RASAL2: variants seen among roughly 807,000 people sequenced by gnomAD.
The protein encoded by RASAL2 is ras GTPase-activating protein nGAP.
RASAL2 carries 58 observed loss-of-function variants against 128.9 expected under a neutral mutation model. The observed-to-expected ratio is 0.45, with a 90% CI of 0.36 to 0.56. The LOEUF (loss-of-function observed/expected upper bound fraction) is 0.56. Among genes scored for constraint, RASAL2 ranks in the 20% least tolerant of loss-of-function variants. The probability of loss-of-function intolerance (pLI) is 0.00; values close to 1 mark genes in which losing one functional copy is unlikely to be tolerated. For missense variants in RASAL2, 1,360 were observed against 1,601.6 expected (o/e 0.85, Z 2.57); for synonymous variants, 561 against 580.8 (o/e 0.97, Z 0.49).
chr1:178,117,605 G>A (rs1366919643), intron 1 of RASAL2, among the ~76,000 whole-genome samples: 2 of 152,058 alleles, frequency 1.3e-5, no homozygotes, highest in African/African-American at 4.8e-5. Flanking sequence ...TCACAAGGGT[G>A]ACTTAATCCT....
intron 1 of RASAL2, among the ~76,000 whole-genome samples, chr1:178,096,211 C>T (rs1228823205): frequency 1.3e-5 from 2 of 152,148 alleles, no homozygotes; most frequent in Admixed American, 6.5e-5. Flanking sequence ...AACGTTTTCC[C>T]ATTCTATCAT....
intron 1 of RASAL2, among the ~76,000 whole-genome samples, chr1:178,206,671 C>T (rs116118384): frequency 0.012 from 1,881 of 152,166 alleles, 17 homozygotes; most frequent in Middle Eastern, 0.02. Flanking sequence ...TTTTATGTCC[C>T]TTGAACCAGT....
chr1:178,441,642 A>G lies in RASAL2; in HGVS notation c.922A>G (p.Asn308Asp), dbSNP rs750003851. 1.2e-6 allele frequency: 2 copies of G among 1,608,174 alleles called. No individual in the cohort carries two copies. ...MENLRRTVQP[N>D]KDNCRRAENV... Reference sequence around the variant, plus strand: ...AAACCTTCGCAGGACAGTTCAACCTAATAAGGTAATAGTAGCTTCAAGTAT... The same window carrying G: ...AAACCTTCGCAGGACAGTTCAACCTGATAAGGTAATAGTAGCTTCAAGTAT... Residue 308 changes from asparagine (N) to aspartate (D), a missense_variant, in exon 7 of 18, where the codon AAT (asparagine) becomes GAT (aspartate). By Grantham distance (23) the Asn-to-Asp change is conservative. This residue lies in a region of RASAL2 where 617 missense variants were observed against 714.2 expected (regional missense o/e 0.86). Coordinates refer to ENST00000367649, the MANE Select transcript of RASAL2 (RefSeq NM_170692.4).
At chr1:178,240,745 A>T (rs1238903085) in intron 1 of RASAL2, among the ~76,000 whole-genome samples, 1 of 151,750 alleles carries the variant, frequency 6.6e-6, no homozygotes, top group Non-Finnish European at 1.5e-5. Context: ...TAAGCTAATT[A>T]TTAACAACTT....
rs1000347556 is a variant in RASAL2 at position 178,422,022 on chromosome 1, C to T, written c.674+1402C>T. Among the ~76,000 whole-genome samples, 3 of 151,708 alleles carry T rather than the reference C, an allele frequency of 2.0e-5. No homozygotes were observed. The East Asian group carries it at 5.8e-4, about 29-fold the overall frequency. On this transcript the variant is annotated intron_variant, in intron 5 of 17. Transcript: ENST00000367649. ...GAATAACAATTTTTTTTCAGATTAT[C>T]GATTCTTAAGAACAAAAATGTTGTG...
intron 3 of RASAL2, among the ~76,000 whole-genome samples, chr1:178,324,080 A>C (rs1668916871): frequency 6.6e-6 from 1 of 152,186 alleles, no homozygotes; most frequent in African/African-American, 2.4e-5. Flanking sequence ...TTAACTCTGA[A>C]CCTCAGCTTC....
In RASAL2 at chr1:178,374,753, C is replaced by T. The variant is rs1310417801; in HGVS notation, c.458-15347C>T. Among the ~76,000 whole-genome samples the T allele has an allele frequency of 2.5e-4, 38 of 152,118 alleles. 1 individual carries two copies. Among genetic ancestry groups the T allele is most frequent in the Admixed American group, 2.5e-3 (38 of 15,262 alleles). ...CCTTCCAACCAAATTGATTTACTTC[C>T]TGTCTTGGAACAAATATTGCCCTTT... On this transcript the variant is annotated intron_variant, in intron 3 of 17. Coordinates refer to ENST00000367649, the MANE Select transcript of RASAL2 (RefSeq NM_170692.4).
At chr1:178,236,756 CTTTTT>C (rs549848632) in intron 1 of RASAL2, among the ~76,000 whole-genome samples, 3 of 118,426 alleles carry the variant, frequency 2.5e-5, no homozygotes, top group Non-Finnish European at 5.1e-5. Flanking sequence ...TTGGACACTA[CTTTTT>C]TTTTTTTTTT....
chr1:178,313,649 C>T (rs1485712945), intron 3 of RASAL2, among the ~76,000 whole-genome samples: 2 of 152,138 alleles, frequency 1.3e-5, no homozygotes. Flanking sequence ...CACCACCACA[C>T]CCAGCTAATT....
chr1:178,286,799 T>G (rs1030337285), intron 2 of RASAL2, among the ~76,000 whole-genome samples: 6 of 152,226 alleles, frequency 3.9e-5, no homozygotes, highest in Non-Finnish European at 8.8e-5. Flanking sequence ...CAGTTTTAAT[T>G]TTTTACGATT....
intron 1 of RASAL2, among the ~76,000 whole-genome samples, chr1:178,184,636 ATGTG>A (rs1407203426): frequency 6.6e-6 from 1 of 152,008 alleles, no homozygotes; most frequent in African/African-American, 2.4e-5. Flanking sequence ...AACTATATAA[ATGTG>A]TGTCTTTTTC....
chr1:178,445,104 C>T (rs1332398635), intron 8 of RASAL2, among the ~76,000 whole-genome samples: 7 of 134,780 alleles, frequency 5.2e-5, no homozygotes, highest in African/African-American at 1.7e-4. Context: ...GGAGTGGAAG[C>T]AAGGGTGGGA....
chr1:178,389,188 T>C (rs1179678675), intron 3 of RASAL2: 1 of 757,398 alleles, frequency 1.3e-6, no homozygotes, highest in Non-Finnish European at 1.6e-6. Flanking sequence ...CACAGAATAC[T>C]TTTTTTAGGA....
chr1:178,447,303 C>T (rs1297615178), intron 9 of RASAL2, among the ~76,000 whole-genome samples: 6 of 151,390 alleles, frequency 4.0e-5, no homozygotes, highest in Non-Finnish European at 7.4e-5. Flanking sequence ...GCCTGGGTGA[C>T]AGAGAAAGAC....
intron 1 of RASAL2, among the ~76,000 whole-genome samples, chr1:178,237,834 T>C (rs2102041689): frequency 6.6e-6 from 1 of 152,174 alleles, no homozygotes; most frequent in East Asian, 1.9e-4. Flanking sequence ...CAGACTATTT[T>C]ATCTTCACAT....
In RASAL2 at chr1:178,145,418, A is replaced by G. The variant is rs191302830; in HGVS notation, c.202+50724A>G. ...AGTATTTCTCTTAAAGTTAATTTTG[A>G]TAGATATTTATCTAGATGCTTTCTT... is the stretch of plus-strand genomic sequence containing the variant. On this transcript the variant is annotated intron_variant, in intron 1 of 17. Coordinates refer to ENST00000367649, the MANE Select transcript of RASAL2 (RefSeq NM_170692.4). 5.1e-4 allele frequency among the ~76,000 whole-genome samples: 77 copies of G among 152,148 alleles called. 1 individual carries two copies. The East Asian group carries it at 0.015, about 29-fold the overall frequency.
At chr1:178,321,366 G>A (rs1032226532) in intron 3 of RASAL2, among the ~76,000 whole-genome samples, 2 of 152,058 alleles carry the variant, frequency 1.3e-5, no homozygotes, top group South Asian at 2.1e-4. Flanking sequence ...AATTACAGGC[G>A]TGAGCCACCG....
chr1:178,184,347 C>T (rs1337079230), intron 1 of RASAL2, among the ~76,000 whole-genome samples: 2 of 150,642 alleles, frequency 1.3e-5, no homozygotes, highest in Admixed American at 1.3e-4. Context: ...TTTGGTGTTA[C>T]ATCCAAAAAC....
At chr1:178,148,433 C>CTTATTTAT (rs543499669) in intron 1 of RASAL2, among the ~76,000 whole-genome samples, 140 of 151,158 alleles carry the variant, frequency 9.3e-4, no homozygotes, top group South Asian at 6.0e-3. Flanking sequence ...CTATTTCATT[C>CTTATTTAT]TTATTTATTT....
Sources: gnomAD v4.1 joint callset for allele counts (sites outside exome capture counted in the v4.1 genomes callset) on GRCh38, gnomAD v4.1.1 for gene constraint, gnomAD v4.1.1 regional missense constraint, MANE v1.5 for transcripts, NCBI Gene and HGNC (gene_info 2026-07-23, HGNC 2026-07-21) for gene names.